SMR3A: variants seen among roughly 807,000 people sequenced by gnomAD.
SMR3A encodes the protein submaxillary gland androgen regulated protein 3A.
For missense variants in SMR3A, 188 were observed against 163.0 expected, an observed-to-expected ratio of 1.15 and a Z score of -0.84; for synonymous variants, 48 against 57.4, an observed-to-expected ratio of 0.84 and a Z score of 0.74.
rs1732164440 is a variant in SMR3A at position 70,362,202 on chromosome 4, A to G, written c.54+33A>G. The G allele has an allele frequency of 6.2e-6, 10 of 1,610,948 alleles. No individual in the cohort carries two copies. In the East Asian group the frequency reaches 2.2e-4, roughly 36 times the overall value. On this transcript the variant is annotated intron_variant, in intron 2 of 2. Coordinates refer to ENST00000226460, the MANE Select transcript of SMR3A (RefSeq NM_012390.4). ...TCATTAATCACGATCACACATCTTT[A>G]TACTTTCTCATTAACCATTACTTCA...
At position 70,366,806 on chromosome 4, in the gene SMR3A, C is replaced by A; in HGVS notation, c.217C>A (p.Pro73Thr). Residue 73 changes from proline (P) to threonine (T), a missense_variant, in exon 3 of 3, where the codon CCA becomes ACA. Pro to Thr is a conservative substitution (Grantham distance 38, BLOSUM62 -1). Transcript: ENST00000226460. ...FPPPLSPPYG[P>T]GRIPPSPPPP... ...ACCACCCCTTTCTCCACCCTATGGT[C>A]CAGGGAGAATCCCACCATCCCCTCC... 1 of 1,613,180 alleles carries A rather than the reference C, an allele frequency of 6.2e-7. No homozygotes were observed.
intron 2 of SMR3A, among the ~76,000 whole-genome samples, chr4:70,364,922 G>A (rs1230922571): frequency 6.6e-6 from 1 of 151,986 alleles, no homozygotes; most frequent in Non-Finnish European, 1.5e-5. Context: ...TAATACTAAA[G>A]TTTAGGATTA....
chr4:70,364,862 G>C (rs577598311), intron 2 of SMR3A, among the ~76,000 whole-genome samples: 346 of 152,082 alleles, frequency 2.3e-3, no homozygotes, highest in African/African-American at 4.3e-3. Context: ...ACATCCTCTA[G>C]CATTGTTAAG....
At chr4:70,366,591 T>A in intron 2 of SMR3A, 53 bp from the exon 3 acceptor site, 3 of 1,466,540 alleles carry the variant, frequency 2.0e-6, no homozygotes, top group Non-Finnish European at 2.8e-6. Context: ...TTCACCCTTA[T>A]ATTTAACTGT....
chr4:70,362,008 T>C, intron 1 of SMR3A, 94 bp from the exon 2 acceptor site: 2 of 1,569,018 alleles, frequency 1.3e-6, no homozygotes, highest in East Asian at 2.3e-5. Context: ...CAGTAGTATA[T>C]CTGTACTACA....
At chr4:70,364,545 C>G (rs1238568566) in intron 2 of SMR3A, among the ~76,000 whole-genome samples, 5 of 151,906 alleles carry the variant, frequency 3.3e-5, no homozygotes, top group African/African-American at 1.2e-4. Context: ...AGCCAGGTCC[C>G]TCAGAAAACA....
intron 2 of SMR3A, among the ~76,000 whole-genome samples, chr4:70,365,445 A>C (rs574470517): frequency 5.9e-5 from 9 of 152,152 alleles, no homozygotes; most frequent in African/African-American, 1.7e-4. Context: ...CACCCTAGGC[A>C]CTTTACAGGT....
At position 70,366,878 on chromosome 4, in the gene SMR3A, C is replaced by T. The variant is rs941824308; in HGVS notation, c.289C>T (p.Pro97Ser). Residue 97 changes from proline to serine, a missense_variant, in exon 3 of 3, where the codon CCT (proline) becomes TCT (serine). Coordinates refer to ENST00000226460, the MANE Select transcript of SMR3A (RefSeq NM_012390.4). ...AATTCAATCACACTCTCTTCCTCCT[C>T]CTTATGGCCCAGGTTATCCACAGCC... ...GRIQSHSLPPPYGPGYPQPPS... is the reference protein window; with the variant it reads ...GRIQSHSLPPSYGPGYPQPPS... The T allele has an allele frequency of 5.0e-6, 8 of 1,613,576 alleles. No homozygotes were observed. Among genetic ancestry groups the T allele is most frequent in the East Asian group, 2.2e-5 (1 of 44,820 alleles).
Position 70,367,092 on chromosome 4 carries a change from T to G in SMR3A, c.*98T>G. 1 of 1,014,944 alleles carries G rather than the reference T, an allele frequency of 9.9e-7. No homozygotes were observed. Among genetic ancestry groups the G allele is most frequent in the Non-Finnish European group, 1.5e-6 (1 of 683,142 alleles). The allele number at this position is 1,014,944 out of a possible 1,614,324, so 62.9% of individuals were successfully genotyped here. ...CCAAAAATAAGAATTTCAACACTACTTCCAAGAGACTTTTAGATAAAATCA... is the reference window on the plus strand; with the variant it reads ...CCAAAAATAAGAATTTCAACACTACGTCCAAGAGACTTTTAGATAAAATCA... On this transcript the variant is annotated 3_prime_UTR_variant, in exon 3 of 3. Transcript: ENST00000226460.
Position 70,366,869 on chromosome 4 carries a change from C to A in SMR3A, c.280C>A (p.Leu94Ile), listed in dbSNP as rs756558797. 2.5e-6 allele frequency: 4 copies of A among 1,613,632 alleles called. No homozygotes were observed. The highest frequency in any genetic ancestry group is 2.2e-5 in the South Asian group (2 of 91,056). The change falls in exon 3 of 3, where the codon CTT (leucine) becomes ATT (isoleucine). Residue 94 changes from leucine to isoleucine, a missense_variant. Physicochemically the swap from Leu to Ile is conservative, Grantham distance 5. Coordinates refer to ENST00000226460, the MANE Select transcript of SMR3A (RefSeq NM_012390.4). ...TCCAGGGAGAATTCAATCACACTCT[C>A]TTCCTCCTCCTTATGGCCCAGGTTA... Reference protein sequence around the residue: ...YGPGRIQSHSLPPPYGPGYPQ... With the variant: ...YGPGRIQSHSIPPPYGPGYPQ...
chr4:70,365,699 T>C (rs1732245641), intron 2 of SMR3A, among the ~76,000 whole-genome samples: 2 of 152,058 alleles, frequency 1.3e-5, no homozygotes, highest in African/African-American at 4.8e-5. Context: ...ATAGAAGACA[T>C]GTTTGTACCC....
At chr4:70,366,501 T>G (rs1732264173) in intron 2 of SMR3A, 143 bp from the exon 3 acceptor site, 1 of 729,658 alleles carries the variant, frequency 1.4e-6, no homozygotes, top group African/African-American at 1.8e-5. Flanking sequence ...AGGGCTCACC[T>G]GATAAGGTCA....
Position 70,362,035 on chromosome 4 carries a change from A to C in SMR3A, c.-14-67A>C, listed in dbSNP as rs186841640. On this transcript the variant is annotated intron_variant, in intron 1 of 2. Transcript: ENST00000226460. ...TGTACTACATTATATCCATGTGTTGAGACATTTTAAATAGTACTTTTTAAT... is the reference window on the plus strand; with the variant it reads ...TGTACTACATTATATCCATGTGTTGCGACATTTTAAATAGTACTTTTTAAT... 85 of 1,605,316 alleles carry C rather than the reference A, an allele frequency of 5.3e-5. No individual in the cohort carries two copies. In the African/African-American group the frequency reaches 9.0e-4, roughly 17 times the overall value.
chr4:70,363,970 C>G (rs1261567645), intron 2 of SMR3A, among the ~76,000 whole-genome samples: 3 of 151,958 alleles, frequency 2.0e-5, no homozygotes, highest in Non-Finnish European at 4.4e-5. Context: ...CTAGAGAAGA[C>G]AAATGCAAGG....
At chr4:70,366,538 A>G in intron 2 of SMR3A, 106 bp from the exon 3 acceptor site, 1 of 1,099,966 alleles carries the variant, frequency 9.1e-7, no homozygotes, top group African/African-American at 1.6e-5. Flanking sequence ...CAGGGAGTAG[A>G]AATCTTGAGG....
At chr4:70,363,140 A>G (rs1452811894) in intron 2 of SMR3A, among the ~76,000 whole-genome samples, 1 of 151,970 alleles carries the variant, frequency 6.6e-6, no homozygotes, top group African/African-American at 2.4e-5. Context: ...CTGATTTTCA[A>G]CATTTTCACA....
intron 2 of SMR3A, among the ~76,000 whole-genome samples, chr4:70,365,862 T>C (rs1252726163): frequency 6.6e-6 from 1 of 152,056 alleles, no homozygotes; most frequent in Non-Finnish European, 1.5e-5. Context: ...TAAAAAGACG[T>C]GTCTTTCCCA....
chr4:70,362,005 A>T (rs1577868994), intron 1 of SMR3A, 97 bp from the exon 2 acceptor site: 1 of 1,564,384 alleles, frequency 6.4e-7, no homozygotes, highest in East Asian at 2.3e-5. Context: ...CTACAGTAGT[A>T]TATCTGTACT....
chr4:70,363,290 T>C (rs1732187217), intron 2 of SMR3A, among the ~76,000 whole-genome samples: 1 of 151,952 alleles, frequency 6.6e-6, no homozygotes, highest in South Asian at 2.1e-4. Flanking sequence ...CCAGTTGATA[T>C]GATAATGATG....
Sources: allele counts gnomAD v4.1 joint callset (sites outside exome capture counted in the v4.1 genomes callset), GRCh38; gene constraint gnomAD v4.1.1; transcripts MANE v1.5; gene names NCBI Gene and HGNC (gene_info 2026-07-23, HGNC 2026-07-21).